The following LRRTM4 variants were observed in gnomAD, a reference collection of about 807,000 sequenced individuals.
LRRTM4 encodes leucine rich repeat transmembrane neuronal 4.
In LRRTM4, 25 loss-of-function variants were observed where a neutral mutation model predicts 47.6. That is an observed-to-expected ratio of 0.53 (90% CI 0.38 to 0.73). LRRTM4 has a LOEUF of 0.73. LRRTM4 is among the 30% of genes least tolerant of loss of function. The probability of loss-of-function intolerance (pLI) is 0.00; values close to 1 mark genes in which losing one functional copy is unlikely to be tolerated. For missense variants in LRRTM4, 638 were observed against 713.4 expected, an observed-to-expected ratio of 0.89 and a Z score of 1.20; for synonymous variants, 311 against 269.5, an observed-to-expected ratio of 1.15 and a Z score of -1.51.
At chr2:76,854,072 C>A (rs1672074689) in intron 3 of LRRTM4, among the ~76,000 whole-genome samples, 1 of 152,264 alleles carries the variant, frequency 6.6e-6, no homozygotes, top group African/African-American at 2.4e-5. Flanking sequence ...GGCAATCTTA[C>A]AGATTTTATA....
intron 3 of LRRTM4, among the ~76,000 whole-genome samples, chr2:77,385,241 C>T (rs1282673800): frequency 1.3e-5 from 2 of 152,002 alleles, no homozygotes; most frequent in Non-Finnish European, 2.9e-5. Flanking sequence ...CTCTAATGAA[C>T]CACTTGATTT....
chr2:77,283,563 A>T (rs1191358785), intron 3 of LRRTM4, among the ~76,000 whole-genome samples: 1 of 152,076 alleles, frequency 6.6e-6, no homozygotes, highest in Non-Finnish European at 1.5e-5. Context: ...AAGTCATGGA[A>T]TCAACCTAGG....
intron 3 of LRRTM4, among the ~76,000 whole-genome samples, chr2:77,109,318 G>GA (rs557995808): frequency 2.0e-5 from 3 of 151,876 alleles, no homozygotes; most frequent in East Asian, 3.9e-4. Context: ...GTTGGAATGT[G>GA]AAAAAAAATG....
chr2:77,268,310 C>G (rs1005021623), intron 3 of LRRTM4, among the ~76,000 whole-genome samples: 2 of 152,270 alleles, frequency 1.3e-5, no homozygotes, highest in Middle Eastern at 3.4e-3. Flanking sequence ...ATCTTCTTCA[C>G]TGAATAGCAA....
At chr2:77,128,803 C>A (rs1671722101) in intron 3 of LRRTM4, among the ~76,000 whole-genome samples, 1 of 149,492 alleles carries the variant, frequency 6.7e-6, no homozygotes, top group Non-Finnish European at 1.5e-5. Context: ...CCATGCCCGG[C>A]TAATTTTTGT....
intron 3 of LRRTM4, among the ~76,000 whole-genome samples, chr2:77,473,739 A>G (rs964072547): frequency 2.6e-5 from 4 of 152,154 alleles, no homozygotes; most frequent in African/African-American, 7.2e-5. Flanking sequence ...TGCCAGGGGT[A>G]TTTAAGCCAA....
intron 3 of LRRTM4, among the ~76,000 whole-genome samples, chr2:77,360,557 C>CA (rs1672170141): frequency 7.3e-6 from 1 of 136,324 alleles, no homozygotes; most frequent in Non-Finnish European, 1.5e-5. Context: ...TTCATACATA[C>CA]ATACATACAT....
At chr2:76,934,733 T>A (rs981228200) in intron 3 of LRRTM4, among the ~76,000 whole-genome samples, 3 of 152,148 alleles carry the variant, frequency 2.0e-5, no homozygotes, top group Admixed American at 2.0e-4. Context: ...TTGGAAAACA[T>A]AGATGACAAT....
chr2:76,761,165 A>G (rs1673239719), intron 3 of LRRTM4, among the ~76,000 whole-genome samples: 1 of 152,242 alleles, frequency 6.6e-6, no homozygotes, highest in Non-Finnish European at 1.5e-5. Flanking sequence ...GTATGATTTA[A>G]CTAATTCCCT....
At chr2:77,463,962 G>A (rs1178152221) in intron 3 of LRRTM4, among the ~76,000 whole-genome samples, 3 of 152,064 alleles carry the variant, frequency 2.0e-5, no homozygotes, top group East Asian at 1.9e-4. Flanking sequence ...ATTGATGAAT[G>A]GATGAATACA....
chr2:77,270,467 C>A (rs1676161708), intron 3 of LRRTM4, among the ~76,000 whole-genome samples: 1 of 152,092 alleles, frequency 6.6e-6, no homozygotes, highest in Non-Finnish European at 1.5e-5. Context: ...AATTTGGTAT[C>A]ACAATAAATG....
chr2:77,452,077 G>C (rs550618250), intron 3 of LRRTM4, among the ~76,000 whole-genome samples: 4 of 152,266 alleles, frequency 2.6e-5, no homozygotes, highest in East Asian at 3.9e-4. Flanking sequence ...AGACCACTGA[G>C]AGGAGTTCAG....
chr2:76,901,844 T>G (rs765309713), intron 3 of LRRTM4, among the ~76,000 whole-genome samples: 1 of 152,170 alleles, frequency 6.6e-6, no homozygotes. Context: ...ACCATTTACA[T>G]AGAATAAGTA....
intron 2 of LRRTM4, among the ~76,000 whole-genome samples, chr2:77,520,288 C>T (rs1186074263): frequency 2.0e-5 from 3 of 151,982 alleles, no homozygotes; most frequent in South Asian, 2.1e-4. Flanking sequence ...GGTACCTGTA[C>T]GTGTTTCCCA....
intron 3 of LRRTM4, among the ~76,000 whole-genome samples, chr2:77,207,264 G>T (rs931467519): frequency 1.4e-4 from 19 of 139,742 alleles, no homozygotes; most frequent in Non-Finnish European, 2.9e-4. Flanking sequence ...CATATATGAA[G>T]TACACATATA....
In LRRTM4 at chr2:77,201,232, G is replaced by C. The variant is rs1027103038; in HGVS notation, c.1551+317086C>G. On this transcript the variant is annotated intron_variant, in intron 3 of 3. Transcript: ENST00000409884. ...TGGTTGATAATCTGGATTCTTACAG[G>C]TTAGCCACACAGTAAGAGGAGACTG... 2.0e-5 allele frequency among the ~76,000 whole-genome samples: 3 copies of C among 152,072 alleles called. No individual in the cohort carries two copies. The South Asian group carries it at 6.2e-4, about 31-fold the overall frequency.
At chr2:77,417,476 A>G (rs74575053) in intron 3 of LRRTM4, among the ~76,000 whole-genome samples, 20,264 of 152,070 alleles carry the variant, frequency 0.13, 2,021 homozygotes, top group African/African-American at 0.28. Context: ...ACAATAGCAA[A>G]GACTCGGAAC....
chr2:77,130,717 T>G (rs1407476830), intron 3 of LRRTM4, among the ~76,000 whole-genome samples: 1 of 151,342 alleles, frequency 6.6e-6, no homozygotes, highest in African/African-American at 2.4e-5. Flanking sequence ...TTCACCGTGT[T>G]AGCCAGGATG....
chr2:77,141,431 T>C (rs1672118490), intron 3 of LRRTM4, among the ~76,000 whole-genome samples: 1 of 125,060 alleles, frequency 8.0e-6, no homozygotes, highest in African/African-American at 3.1e-5. Context: ...TGAGAACACT[T>C]GGACACAGGA....
Sources: gnomAD v4.1 joint callset for allele counts (sites outside exome capture counted in the v4.1 genomes callset) on GRCh38, gnomAD v4.1.1 for gene constraint, MANE v1.5 for transcripts, NCBI Gene and HGNC (gene_info 2026-07-23, HGNC 2026-07-21) for gene names.